Variants in WDR70 observed in about 807,000 individuals in gnomAD.
The protein encoded by WDR70 is WD repeat-containing protein 70.
A neutral mutation model predicts 88.6 loss-of-function variants in WDR70; 53 were observed. That is an observed-to-expected ratio of 0.60 (90% CI 0.48 to 0.75). The LOEUF (loss-of-function observed/expected upper bound fraction) is 0.75, where lower values mean the gene tolerates loss of function less well. WDR70 is among the 30% of genes least tolerant of loss of function. WDR70 has a pLI of 0.00. For missense variants in WDR70, 610 were observed against 823.2 expected (o/e 0.74, Z 3.17); for synonymous variants, 280 against 270.0 (o/e 1.04, Z -0.36).
chr5:37,403,295 A>G (rs1005157332), intron 5 of WDR70, among the ~76,000 whole-genome samples: 2 of 151,916 alleles, frequency 1.3e-5, no homozygotes, highest in African/African-American at 4.8e-5. Flanking sequence ...TTAAACTCCA[A>G]CCATATTGTA....
At chr5:37,728,194 A>G (rs1416630798) in intron 17 of WDR70, among the ~76,000 whole-genome samples, 4 of 151,958 alleles carry the variant, frequency 2.6e-5, no homozygotes, top group Admixed American at 6.6e-5. Context: ...CTAAAAACAC[A>G]AAAATTAGCC....
At position 37,485,858 on chromosome 5, in the gene WDR70, A is replaced by ATTTTTTTTTTTTTTTT. The variant is rs57109943; in HGVS notation, c.840+5884_840+5899dup. ...AGGCATGCGCCACCATGCCTGGCTA[A>ATTTTTTTTTTTTTTTT]TTTTTTTTTTTTTTTTTTTTTTTTT... On this transcript the variant is annotated intron_variant, in intron 8 of 17. Transcript: ENST00000265107. Among the ~76,000 whole-genome samples the ATTTTTTTTTTTTTTTT allele has an allele frequency of 2.4e-4, 26 of 108,270 alleles. 1 individual carries two copies. The highest frequency in any genetic ancestry group is 3.5e-4 in the African/African-American group (9 of 25,370). The allele number at this position is 108,270 out of a possible 152,430, so 71.0% of individuals were successfully genotyped here.
intron 13 of WDR70, among the ~76,000 whole-genome samples, chr5:37,711,080 A>G (rs1312530067): frequency 6.6e-6 from 1 of 152,166 alleles, no homozygotes; most frequent in African/African-American, 2.4e-5. Flanking sequence ...GAAACAGTAC[A>G]GATTATAGCA....
At chr5:37,615,278 T>C (rs1744303446) in intron 10 of WDR70, among the ~76,000 whole-genome samples, 1 of 151,436 alleles carries the variant, frequency 6.6e-6, no homozygotes, top group Admixed American at 6.6e-5. Flanking sequence ...TTACTAAAAA[T>C]AAAGAGGTCT....
rs375209925 is a variant in WDR70, at chr5:37,580,117, T to C, written c.918-24947T>C. 7.9e-4 allele frequency among the ~76,000 whole-genome samples: 120 copies of C among 152,346 alleles called. 1 individual carries two copies. The South Asian group carries it at 0.024, about 31-fold the overall frequency. On this transcript the variant is annotated intron_variant, in intron 9 of 17. Coordinates refer to ENST00000265107, the MANE Select transcript of WDR70 (RefSeq NM_018034.4). ...CTCAAATATTCCTGATATCAATATATGTTGCTTTATAATTTTATCTATTTA... is the reference window on the plus strand; with the variant it reads ...CTCAAATATTCCTGATATCAATATACGTTGCTTTATAATTTTATCTATTTA...
intron 9 of WDR70, among the ~76,000 whole-genome samples, chr5:37,603,951 G>A (rs1743960073): frequency 6.6e-6 from 1 of 151,936 alleles, no homozygotes; most frequent in African/African-American, 2.4e-5. Flanking sequence ...TACAATTATT[G>A]TCATACATTT....
At chr5:37,586,143 T>C (rs182925069) in intron 9 of WDR70, among the ~76,000 whole-genome samples, 45 of 152,336 alleles carry the variant, frequency 3.0e-4, no homozygotes, top group Admixed American at 2.7e-3. Flanking sequence ...GCATCCTCAA[T>C]TCCATTCCTC....
In WDR70 at chr5:37,749,726, G is replaced by A. The variant is rs1213707712; in HGVS notation, c.1878-2760G>A. Among the ~76,000 whole-genome samples the A allele has an allele frequency of 3.3e-5, 5 of 151,344 alleles. No homozygotes were observed. In the East Asian group the frequency reaches 5.8e-4, roughly 18 times the overall value. On this transcript the variant is annotated intron_variant, in intron 17 of 17. Transcript: ENST00000265107. The stretch of plus-strand genomic sequence containing the variant: ...AATATTCCCTACATTTTAATTCCTA[G>A]TGGGGACCAAGGAAACTGTTGTGAT...
chr5:37,482,352 C>T (rs1739699723), intron 8 of WDR70, among the ~76,000 whole-genome samples: 1 of 152,146 alleles, frequency 6.6e-6, no homozygotes, highest in Admixed American at 6.5e-5. Flanking sequence ...TGAATTGACT[C>T]ACAGTTCTGC....
intron 9 of WDR70, among the ~76,000 whole-genome samples, chr5:37,581,336 T>G (rs1743211941): frequency 1.3e-5 from 2 of 152,208 alleles, no homozygotes; most frequent in African/African-American, 4.8e-5. Flanking sequence ...GTGCTTTGTG[T>G]ATATTTCTCA....
chr5:37,644,514 T>C (rs1745183908), intron 10 of WDR70, among the ~76,000 whole-genome samples: 1 of 152,056 alleles, frequency 6.6e-6, no homozygotes, highest in Non-Finnish European at 1.5e-5. Flanking sequence ...TTTGGAAGTA[T>C]TCTCTTCTCT....
At chr5:37,476,142 G>C (rs13188782) in intron 7 of WDR70, among the ~76,000 whole-genome samples, 39,584 of 151,912 alleles carry the variant, frequency 0.26, 5,749 homozygotes, top group East Asian at 0.48. Context: ...GAGCCACCGT[G>C]CCTGATCTGC....
At chr5:37,552,165 T>G (rs1417254306) in intron 9 of WDR70, among the ~76,000 whole-genome samples, 2 of 152,180 alleles carry the variant, frequency 1.3e-5, no homozygotes, top group Non-Finnish European at 2.9e-5. Flanking sequence ...AATGTGATGA[T>G]GTATAGAGGG....
intron 7 of WDR70, among the ~76,000 whole-genome samples, chr5:37,446,608 C>T (rs1052175737): frequency 3.9e-5 from 6 of 152,130 alleles, no homozygotes. Context: ...ACCAATGGAA[C>T]AGAACAGAGC....
At chr5:37,677,753 G>A (rs1288845841) in intron 10 of WDR70, among the ~76,000 whole-genome samples, 2 of 152,188 alleles carry the variant, frequency 1.3e-5, no homozygotes, top group Non-Finnish European at 2.9e-5. Context: ...TATTAGGTCT[G>A]CTTGGTGCAG....
chr5:37,498,666 G>A (rs1393754016), intron 8 of WDR70, among the ~76,000 whole-genome samples: 1 of 152,098 alleles, frequency 6.6e-6, no homozygotes, highest in Non-Finnish European at 1.5e-5. Flanking sequence ...TCAGTAAATG[G>A]CATTGCCATT....
chr5:37,550,999 A>G (rs1307428671), intron 9 of WDR70, among the ~76,000 whole-genome samples: 1 of 152,198 alleles, frequency 6.6e-6, no homozygotes, highest in Non-Finnish European at 1.5e-5. Flanking sequence ...TCAACAAACA[A>G]GCAAAAGAAA....
chr5:37,698,231 A>G (rs1429355453), intron 11 of WDR70, among the ~76,000 whole-genome samples: 2 of 152,134 alleles, frequency 1.3e-5, no homozygotes, highest in African/African-American at 4.8e-5. Context: ...ACAGTTCTAT[A>G]TGATCATATT....
intron 10 of WDR70, chr5:37,688,040 T>C (rs1746666341): frequency 1.6e-6 from 1 of 621,278 alleles, no homozygotes. Flanking sequence ...CTGGTATATA[T>C]ATGCATACAC....
Sources: allele counts gnomAD v4.1 joint callset (sites outside exome capture counted in the v4.1 genomes callset), GRCh38; gene constraint gnomAD v4.1.1; transcripts MANE v1.5; gene names NCBI Gene and HGNC (gene_info 2026-07-23, HGNC 2026-07-21).